Variants in MAPT observed in about 807,000 individuals in gnomAD.
MAPT encodes the protein microtubule-associated protein tau.
MAPT carries 34 observed loss-of-function variants against 67.9 expected under a neutral mutation model. That is an observed-to-expected ratio of 0.50 (90% CI 0.38 to 0.67). The LOEUF (loss-of-function observed/expected upper bound fraction) is 0.67. MAPT is among the 30% of genes least tolerant of loss of function. The pLI, the probability that MAPT is intolerant of heterozygous loss-of-function variation, is 0.00. For synonymous variants in MAPT, 456 were observed against 464.5 expected (o/e 0.98, Z 0.23); for missense variants, 881 against 1,115.2 (o/e 0.79, Z 2.99).
At chr17:46,009,291 C>T (rs1320971577) in intron 9 of MAPT, among the ~76,000 whole-genome samples, 1 of 152,202 alleles carries the variant, frequency 6.6e-6, no homozygotes, top group African/African-American at 2.4e-5. Flanking sequence ...GTGAGGAAGA[C>T]GTTCTCACTG....
In MAPT at chr17:46,023,625, C is replaced by T. The variant is rs575022545; in HGVS notation, c.2287-331C>T. On this transcript the variant is annotated intron_variant, in intron 12 of 12. Coordinates refer to ENST00000262410, the MANE Select transcript of MAPT (RefSeq NM_001377265.1). The stretch of plus-strand genomic sequence containing the variant: ...GAGGCTGAGGCGGGCAGATTGCTTG[C>T]GTCCAGGAGTTCAAGACCAGCCTGG... Among the ~76,000 whole-genome samples, 112 of 152,250 alleles carry T rather than the reference C, an allele frequency of 7.4e-4. 1 individual carries two copies. The highest frequency in any genetic ancestry group is 1.3e-3 in the Non-Finnish European group (87 of 68,018).
chr17:45,936,310 G>A (rs765877737), intron 1 of MAPT, among the ~76,000 whole-genome samples: 16 of 152,204 alleles, frequency 1.1e-4, no homozygotes, highest in Admixed American at 7.8e-4. Flanking sequence ...AGCCAGAGTT[G>A]AGAAAATGGG....
At chr17:46,013,454 CCCTGGAGGCCACAGGCCT>C (rs2075960064) in intron 10 of MAPT, among the ~76,000 whole-genome samples, 1 of 152,232 alleles carries the variant, frequency 6.6e-6, no homozygotes, top group African/African-American at 2.4e-5. Flanking sequence ...GGGAGCGGTG[CCCTGGAGGCCACAGGCCT>C]CCTCATGTGT....
intron 1 of MAPT, among the ~76,000 whole-genome samples, chr17:45,908,586 G>T (rs1018872488): frequency 6.6e-6 from 1 of 152,152 alleles, no homozygotes; most frequent in South Asian, 2.1e-4. Context: ...CACCAATGTG[G>T]TTCACACTCT....
At chr17:45,952,951 G>T (rs987893942) in intron 1 of MAPT, among the ~76,000 whole-genome samples, 4 of 152,106 alleles carry the variant, frequency 2.6e-5, no homozygotes, top group African/African-American at 9.7e-5. Flanking sequence ...CCTCTTACTG[G>T]CTGTGTGACC....
intron 1 of MAPT, among the ~76,000 whole-genome samples, chr17:45,950,972 T>C (rs1375139595): frequency 6.6e-6 from 1 of 152,160 alleles, no homozygotes; most frequent in African/African-American, 2.4e-5. Context: ...TCCACACTTT[T>C]CACTTATTAA....
At chr17:46,005,340 CTAA>C (rs1295336655) in intron 9 of MAPT, among the ~76,000 whole-genome samples, 3 of 152,304 alleles carry the variant, frequency 2.0e-5, no homozygotes, top group Admixed American at 1.3e-4. Flanking sequence ...TTCCCTTCTT[CTAA>C]TGTTACTCTT....
intron 2 of MAPT, among the ~76,000 whole-genome samples, chr17:45,970,236 C>T (rs1400473693): frequency 6.6e-6 from 1 of 152,236 alleles, no homozygotes; most frequent in African/African-American, 2.4e-5. Context: ...ATACCTCCAT[C>T]CAATTACACA....
chr17:45,991,183 T>C (rs886360198), intron 7 of MAPT, among the ~76,000 whole-genome samples: 2 of 152,238 alleles, frequency 1.3e-5, no homozygotes, highest in Non-Finnish European at 1.5e-5. Flanking sequence ...CTGTGAGCTC[T>C]GCTGGCCTTG....
At chr17:45,930,187 G>A (rs1334747489) in intron 1 of MAPT, among the ~76,000 whole-genome samples, 1 of 152,152 alleles carries the variant, frequency 6.6e-6, no homozygotes, top group African/African-American at 2.4e-5. Flanking sequence ...ATCACTCGAT[G>A]CCAGGAGTTC....
At chr17:45,922,492 C>CACACACACACACACACAT (rs2065844325) in intron 1 of MAPT, among the ~76,000 whole-genome samples, 1 of 111,032 alleles carries the variant, frequency 9.0e-6, no homozygotes, top group Non-Finnish European at 2.4e-5. Context: ...AGAGAACACA[C>CACACACACACACACACAT]ACACACACAC....
At chr17:45,932,680 A>C (rs1310850615) in intron 1 of MAPT, among the ~76,000 whole-genome samples, 1 of 152,082 alleles carries the variant, frequency 6.6e-6, no homozygotes, top group Non-Finnish European at 1.5e-5. Flanking sequence ...CTGTATAACT[A>C]GAAGTTCTCC....
intron 1 of MAPT, among the ~76,000 whole-genome samples, chr17:45,926,754 C>A (rs2066332956): frequency 6.6e-6 from 1 of 152,070 alleles, no homozygotes; most frequent in African/African-American, 2.4e-5. Context: ...TTTCTATGCC[C>A]ACCCTTTTAT....
intron 1 of MAPT, among the ~76,000 whole-genome samples, chr17:45,946,520 A>C (rs2068491022): frequency 6.8e-6 from 1 of 148,018 alleles, no homozygotes; most frequent in Admixed American, 6.9e-5. Context: ...AATTGCTTGA[A>C]CCCGAGAGGT....
intron 1 of MAPT, among the ~76,000 whole-genome samples, chr17:45,944,886 C>T (rs1490689924): frequency 6.6e-6 from 1 of 152,180 alleles, no homozygotes; most frequent in East Asian, 1.9e-4. Flanking sequence ...GTCCCACCAT[C>T]CCTCCCGACT....
At chr17:45,988,441 C>A (rs1318734748) in intron 6 of MAPT, among the ~76,000 whole-genome samples, 1 of 152,174 alleles carries the variant, frequency 6.6e-6, no homozygotes, top group Non-Finnish European at 1.5e-5. Context: ...CCGTCAAAAT[C>A]CCCCACGGGC....
intron 6 of MAPT, among the ~76,000 whole-genome samples, chr17:45,989,376 C>T (rs1445641764): frequency 1.3e-5 from 2 of 152,130 alleles, no homozygotes; most frequent in South Asian, 2.1e-4. Flanking sequence ...CAGGGCCAGG[C>T]GCGGTGGCTC....
chr17:46,012,954 C>T (rs1428727129), intron 10 of MAPT, among the ~76,000 whole-genome samples: 1 of 152,198 alleles, frequency 6.6e-6, no homozygotes, highest in Non-Finnish European at 1.5e-5. Flanking sequence ...CAGATCATGT[C>T]CGCCCTGACA....
chr17:45,932,146 A>G (rs1329826517), intron 1 of MAPT: 1 of 152,122 alleles, frequency 6.6e-6, no homozygotes, highest in Non-Finnish European at 1.5e-5. Context: ...GACAGGACTG[A>G]AGTAACTTAG....
Sources: gnomAD v4.1 joint callset for allele counts (sites outside exome capture counted in the v4.1 genomes callset) on GRCh38, gnomAD v4.1.1 for gene constraint, MANE v1.5 for transcripts, NCBI Gene and HGNC (gene_info 2026-07-23, HGNC 2026-07-21) for gene names.